Variants in ABCB5 observed in about 807,000 individuals in gnomAD.
ABCB5 encodes the protein ATP binding cassette subfamily B member 5.
ABCB5 carries 155 observed loss-of-function variants against 144.2 expected under a neutral mutation model. The ratio of observed to expected loss-of-function variants is 1.08; its 90% CI spans 0.94 to 1.23. The LOEUF (loss-of-function observed/expected upper bound fraction) is 1.23, where lower values mean the gene tolerates loss of function less well. Among genes scored for constraint, ABCB5 ranks in the 50% most tolerant of loss-of-function variants. The pLI, the probability that ABCB5 is intolerant of heterozygous loss-of-function variation, is 0.00. For missense variants in ABCB5, 1,830 were observed against 1,520.8 expected (o/e 1.20, Z -3.38); for synonymous variants, 610 against 528.6 (o/e 1.15, Z -2.11).
intron 16 of ABCB5, among the ~76,000 whole-genome samples, chr7:20,689,536 G>A (rs574085997): frequency 1.1e-4 from 17 of 152,310 alleles, no homozygotes; most frequent in Admixed American, 2.0e-4. Flanking sequence ...TGACCTGGCT[G>A]AGACATAGGA....
chr7:20,717,345 C>T (rs1781706993), intron 20 of ABCB5, among the ~76,000 whole-genome samples: 1 of 152,080 alleles, frequency 6.6e-6, no homozygotes, highest in Non-Finnish European at 1.5e-5. Context: ...TTGGGTTTTA[C>T]TCCGAGGGCC....
At chr7:20,721,236 C>T (rs1167704740) in intron 20 of ABCB5, among the ~76,000 whole-genome samples, 1 of 152,148 alleles carries the variant, frequency 6.6e-6, no homozygotes, top group African/African-American at 2.4e-5. Context: ...CACTTAATCC[C>T]AAGTGATTCA....
chr7:20,659,512 T>G, intron 14 of ABCB5: 1 of 1,021,042 alleles, frequency 9.8e-7, no homozygotes, highest in Non-Finnish European at 1.2e-6. Flanking sequence ...TCTTAGTTAC[T>G]ATTATTTAGT....
chr7:20,753,081 A>G (rs1311372776), intron 26 of ABCB5, among the ~76,000 whole-genome samples: 2 of 152,208 alleles, frequency 1.3e-5, no homozygotes, highest in Admixed American at 1.3e-4. Flanking sequence ...TCTTGCCAGT[A>G]ATTTTTTTCT....
intron 5 of ABCB5, among the ~76,000 whole-genome samples, chr7:20,639,059 G>A (rs991205577): frequency 6.6e-6 from 1 of 150,894 alleles, no homozygotes; most frequent in African/African-American, 2.4e-5. Flanking sequence ...CATTGTAGTA[G>A]GTATGAAGGG....
At chr7:20,638,347 TA>T (rs1468624505) in intron 5 of ABCB5, among the ~76,000 whole-genome samples, 5 of 151,980 alleles carry the variant, frequency 3.3e-5, no homozygotes, top group Admixed American at 3.3e-4. Flanking sequence ...CTGTTTATAT[TA>T]TTTTTAATAT....
intron 26 of ABCB5, among the ~76,000 whole-genome samples, chr7:20,749,601 GC>G (rs909123153): frequency 2.6e-5 from 4 of 151,820 alleles, no homozygotes; most frequent in Non-Finnish European, 2.9e-5. Flanking sequence ...AAACCACTGG[GC>G]TTTTATTTAG....
At chr7:20,747,333 T>C (rs1782759682) in intron 26 of ABCB5, among the ~76,000 whole-genome samples, 1 of 152,168 alleles carries the variant, frequency 6.6e-6, no homozygotes, top group Non-Finnish European at 1.5e-5. Flanking sequence ...TGCAGTGGTG[T>C]GTTCTTGGTT....
At chr7:20,662,408 C>A (rs1325276530) in intron 14 of ABCB5, among the ~76,000 whole-genome samples, 11 of 152,096 alleles carry the variant, frequency 7.2e-5, no homozygotes, top group Non-Finnish European at 1.3e-4. Context: ...AGCTGCCGGC[C>A]ACTGGATTAA....
At chr7:20,700,834 CT>C (rs1462631145) in intron 19 of ABCB5, among the ~76,000 whole-genome samples, 2 of 152,332 alleles carry the variant, frequency 1.3e-5, no homozygotes, top group Non-Finnish European at 2.9e-5. Context: ...ACCTCACTTT[CT>C]GTCACAAAAG....
intron 23 of ABCB5, among the ~76,000 whole-genome samples, chr7:20,729,565 C>T (rs560191879): frequency 2.7e-4 from 41 of 151,962 alleles, no homozygotes; most frequent in Non-Finnish European, 5.4e-4. Flanking sequence ...TTTGTTTTAC[C>T]GGAACATCTA....
Position 20,621,587 on chromosome 7 carries a change from T to A in ABCB5, c.-21-1678T>A, listed in dbSNP as rs565385737. Among the ~76,000 whole-genome samples, 3 of 152,218 alleles carry A rather than the reference T, an allele frequency of 2.0e-5. 1 individual carries two copies. The South Asian group carries it at 6.2e-4, about 32-fold the overall frequency. ...ACAAACTAGTAGCTGGCACATCATA[T>A]AAGCTCAATACTTTTTTCAATTCTT... is the stretch of plus-strand genomic sequence containing the variant. On this transcript the variant is annotated intron_variant, in intron 1 of 27. Transcript: ENST00000404938.
At chr7:20,702,828 A>ATTTTTTTTTTTTTTTTTTTTTTT (rs5882755) in intron 19 of ABCB5, among the ~76,000 whole-genome samples, 1 of 114,120 alleles carries the variant, frequency 8.8e-6, no homozygotes, top group Non-Finnish European at 1.8e-5. Flanking sequence ...CGCCTGGCTA[A>ATTTTTTTTTTTTTTTTTTTTTTT]TTTTTTTTTT....
At chr7:20,624,783 C>G (rs1374747802) in intron 2 of ABCB5, among the ~76,000 whole-genome samples, 2 of 152,198 alleles carry the variant, frequency 1.3e-5, no homozygotes, top group African/African-American at 4.8e-5. Context: ...TGAAAACCAG[C>G]AACGGGCACG....
chr7:20,703,030 C>G (rs1394752733), intron 19 of ABCB5, among the ~76,000 whole-genome samples: 6 of 152,080 alleles, frequency 3.9e-5, no homozygotes, highest in African/African-American at 1.4e-4. Flanking sequence ...ATCTTGCCAA[C>G]TGAACATCAG....
At position 20,658,626 on chromosome 7, in the gene ABCB5, T is replaced by A. The variant is rs767055073; in HGVS notation, c.1657T>A (p.Ser553Thr). The change falls in exon 14 of 28, where the codon TCT (serine) becomes ACT (threonine). Residue 553 changes from serine to threonine, a missense_variant. Ser to Thr is a moderately conservative substitution (Grantham distance 58). Transcript: ENST00000404938. ...PKILILDEATSALDSESKSAV... is the reference protein window; with the variant it reads ...PKILILDEATTALDSESKSAV... ...GATTCTGATTTTAGATGAGGCTACG[T>A]CTGCCCTGGATTCAGAAAGCAAGTC... is the stretch of plus-strand genomic sequence containing the variant. 2 of 1,614,206 alleles carry A rather than the reference T, an allele frequency of 1.2e-6. No individual in the cohort carries two copies. The highest frequency in any genetic ancestry group is 1.7e-6 in the Non-Finnish European group (2 of 1,180,022).
At chr7:20,675,615 T>C (rs901115806) in intron 14 of ABCB5, among the ~76,000 whole-genome samples, 1 of 151,926 alleles carries the variant, frequency 6.6e-6, no homozygotes, top group Non-Finnish European at 1.5e-5. Flanking sequence ...ATTTCTCGGA[T>C]ATGATGCCAA....
intron 23 of ABCB5, among the ~76,000 whole-genome samples, chr7:20,735,970 T>A (rs1447010118): frequency 6.6e-6 from 1 of 152,194 alleles, no homozygotes; most frequent in Non-Finnish European, 1.5e-5. Context: ...TAAATGTTAG[T>A]TGCTTATTTT....
At chr7:20,705,812 T>C (rs1265871808) in intron 20 of ABCB5, among the ~76,000 whole-genome samples, 2 of 152,122 alleles carry the variant, frequency 1.3e-5, no homozygotes, top group African/African-American at 4.8e-5. Flanking sequence ...GTTGTTTTTT[T>C]TTTTTAACTT....
Sources: gnomAD v4.1 joint callset for allele counts (sites outside exome capture counted in the v4.1 genomes callset) on GRCh38, gnomAD v4.1.1 for gene constraint, MANE v1.5 for transcripts, NCBI Gene and HGNC (gene_info 2026-07-23, HGNC 2026-07-21) for gene names.